The following WBP1L variants were observed in gnomAD, a reference collection of about 807,000 sequenced individuals.
The protein encoded by WBP1L is WW domain binding protein 1-like.
A neutral mutation model predicts 33.7 loss-of-function variants in WBP1L; 17 were observed. That is an observed-to-expected ratio of 0.50 (90% confidence interval 0.34 to 0.76). The LOEUF (loss-of-function observed/expected upper bound fraction) is 0.76, where lower values mean the gene tolerates loss of function less well. WBP1L is among the 30% of genes least tolerant of loss of function. The pLI, the probability that WBP1L is intolerant of heterozygous loss-of-function variation, is 0.01. For missense variants in WBP1L, 389 were observed against 469.4 expected, an observed-to-expected ratio of 0.83 and a Z score of 1.58; for synonymous variants, 173 against 190.8, an observed-to-expected ratio of 0.91 and a Z score of 0.77.
At chr10:102,745,590 C>T (rs1437236439) in intron 1 of WBP1L, among the ~76,000 whole-genome samples, 3 of 152,148 alleles carry the variant, frequency 2.0e-5, no homozygotes, top group East Asian at 1.9e-4. Flanking sequence ...TTTCACTTAG[C>T]GTAATGTTTA....
intron 1 of WBP1L, among the ~76,000 whole-genome samples, chr10:102,757,879 C>T (rs1334216233): frequency 2.7e-5 from 1 of 37,154 alleles, no homozygotes; most frequent in Non-Finnish European, 4.9e-5. Flanking sequence ...CCTGCCCTCC[C>T]CCCCCCCCTT....
At chr10:102,783,244 G>A (rs947951500) in intron 1 of WBP1L, among the ~76,000 whole-genome samples, 5 of 152,188 alleles carry the variant, frequency 3.3e-5, no homozygotes, top group African/African-American at 4.8e-5. Flanking sequence ...CTGTAAACCA[G>A]GATGAGAGAG....
chr10:102,786,218 G>A lies in WBP1L; in HGVS notation c.91-11775G>A, dbSNP rs560471448. On this transcript the variant is annotated intron_variant, in intron 1 of 3. Coordinates refer to ENST00000448841, the MANE Select transcript of WBP1L (RefSeq NM_001083913.2). ...ACTTCTTTTTAAAATTTATGTGTAT[G>A]ATCTATTATATGTTTTAATGGAATG... 9.0e-4 allele frequency among the ~76,000 whole-genome samples: 137 copies of A among 152,250 alleles called. 1 individual carries two copies. The highest frequency in any genetic ancestry group is 3.2e-3 in the African/African-American group (131 of 41,542).
chr10:102,773,895 G>C (rs1843224949), intron 1 of WBP1L, among the ~76,000 whole-genome samples: 2 of 151,734 alleles, frequency 1.3e-5, no homozygotes, highest in South Asian at 4.2e-4. Flanking sequence ...GAAAAATATG[G>C]AACACTTCAT....
intron 1 of WBP1L, among the ~76,000 whole-genome samples, chr10:102,763,207 CAAA>C (rs36003893): frequency 2.4e-3 from 223 of 94,026 alleles, no homozygotes; most frequent in Admixed American, 4.4e-3. Flanking sequence ...ACTTTTGTCT[CAAA>C]AAAAAAAAAA....
chr10:102,753,195 C>G (rs1339846067), intron 1 of WBP1L, among the ~76,000 whole-genome samples: 2 of 152,094 alleles, frequency 1.3e-5, no homozygotes, highest in Non-Finnish European at 2.9e-5. Flanking sequence ...ATTATCCTGC[C>G]TCCGCCTCTC....
At chr10:102,806,406 A>G (rs946522662) in intron 2 of WBP1L, among the ~76,000 whole-genome samples, 2 of 152,084 alleles carry the variant, frequency 1.3e-5, no homozygotes, top group East Asian at 3.9e-4. Context: ...CCACCCCAAC[A>G]ACCCTAGGAG....
intron 1 of WBP1L, among the ~76,000 whole-genome samples, chr10:102,789,569 C>T (rs1431219903): frequency 6.6e-6 from 1 of 152,220 alleles, no homozygotes; most frequent in South Asian, 2.1e-4. Context: ...CTCTTTGTCT[C>T]ATTATCGTGT....
rs1174438080 is a variant in WBP1L, at chr10:102,815,803, C to G, written c.*2472C>G. On this transcript the variant is annotated 3_prime_UTR_variant, in exon 4 of 4. Transcript: ENST00000448841. ...TCCTTTCCCCAGTTAGAGTGGGGAA[C>G]TGGGCAAGTGTTAACTGTGGGACTC... 1 of 152,240 alleles carries G rather than the reference C, an allele frequency of 6.6e-6. No homozygotes were observed. Among genetic ancestry groups the G allele is most frequent in the Non-Finnish European group, 1.5e-5 (1 of 68,054 alleles). 9.4% of individuals were successfully genotyped at this position (152,240 alleles called of 1,614,324 possible).
intron 1 of WBP1L, among the ~76,000 whole-genome samples, chr10:102,765,264 A>G (rs577078525): frequency 3.9e-5 from 6 of 151,942 alleles, no homozygotes; most frequent in African/African-American, 1.4e-4. Flanking sequence ...TCCAGACAGG[A>G]TCTTGCACAG....
chr10:102,768,038 G>A (rs1455487557), intron 1 of WBP1L, among the ~76,000 whole-genome samples: 4 of 152,082 alleles, frequency 2.6e-5, no homozygotes, highest in Admixed American at 1.3e-4. Context: ...GAAACCCTAC[G>A]TATTATTTCA....
chr10:102,781,935 G>T (rs1312575769), intron 1 of WBP1L, among the ~76,000 whole-genome samples: 1 of 151,952 alleles, frequency 6.6e-6, no homozygotes, highest in African/African-American at 2.4e-5. Flanking sequence ...GTGCAGTGGC[G>T]CCATCTTGGC....
Position 102,813,559 on chromosome 10 carries a change from C to T in WBP1L, c.*228C>T, listed in dbSNP as rs1843882025. The T allele has an allele frequency of 6.8e-6, 4 of 591,106 alleles. No homozygotes were observed. The highest frequency in any genetic ancestry group is 2.8e-5 in the East Asian group (1 of 35,138). The allele number at this position is 591,106 out of a possible 1,614,324, so 36.6% of individuals were successfully genotyped here. A position where few individuals can be genotyped will look rare whatever the true frequency, so the allele number is the denominator to read the frequency against. On this transcript the variant is annotated 3_prime_UTR_variant, in exon 4 of 4. Transcript: ENST00000448841. ...AGTGTTGTGGAGGGCTAAGTTGGTT[C>T]TGTGACTCATTCCTCATACCCTAAC...
At position 102,813,574 on chromosome 10, in the gene WBP1L, C is replaced by T; in HGVS notation, c.*243C>T. 1.8e-6 allele frequency: 1 copy of T among 562,698 alleles called. No individual in the cohort carries two copies. Among genetic ancestry groups the T allele is most frequent in the Non-Finnish European group, 3.1e-6 (1 of 319,252 alleles). The allele number at this position is 562,698 out of a possible 1,614,324, so 34.9% of individuals were successfully genotyped here. A position where few individuals can be genotyped will look rare whatever the true frequency, so the allele number is the denominator to read the frequency against. ...TAAGTTGGTTCTGTGACTCATTCCT[C>T]ATACCCTAACTCCATCTCCTTTCTT... On this transcript the variant is annotated 3_prime_UTR_variant, in exon 4 of 4. Coordinates refer to ENST00000448841, the MANE Select transcript of WBP1L (RefSeq NM_001083913.2).
intron 2 of WBP1L, among the ~76,000 whole-genome samples, chr10:102,806,369 A>G (rs1843735478): frequency 6.6e-6 from 1 of 152,188 alleles, no homozygotes; most frequent in South Asian, 2.1e-4. Flanking sequence ...CGAAATACAC[A>G]TGCAGCCAGG....
At chr10:102,768,861 G>A (rs1277064327) in intron 1 of WBP1L, among the ~76,000 whole-genome samples, 3 of 150,258 alleles carry the variant, frequency 2.0e-5, no homozygotes, top group African/African-American at 7.3e-5. Context: ...CTAATTTTTT[G>A]TATTTTTTAG....
chr10:102,772,640 G>A (rs1191605173), intron 1 of WBP1L, among the ~76,000 whole-genome samples: 2 of 133,678 alleles, frequency 1.5e-5, no homozygotes, highest in East Asian at 4.7e-4. Flanking sequence ...TGTGATCTTG[G>A]CTCACTGCAA....
chr10:102,811,190 T>C (rs1264218405), intron 3 of WBP1L, among the ~76,000 whole-genome samples: 5 of 151,932 alleles, frequency 3.3e-5, no homozygotes, highest in Admixed American at 2.0e-4. Flanking sequence ...GGCGGGCAGA[T>C]CATTTGAGGT....
intron 1 of WBP1L, among the ~76,000 whole-genome samples, chr10:102,755,486 G>C (rs538752065): frequency 6.6e-6 from 1 of 151,810 alleles, no homozygotes; most frequent in Non-Finnish European, 1.5e-5. Flanking sequence ...CCGCCTCCTG[G>C]GTACAAGTGA....
Sources: gnomAD v4.1 joint callset for allele counts (sites outside exome capture counted in the v4.1 genomes callset) on GRCh38, gnomAD v4.1.1 for gene constraint, MANE v1.5 for transcripts, NCBI Gene and HGNC (gene_info 2026-07-23, HGNC 2026-07-21) for gene names.